The following RNF213 variants were observed in gnomAD, a reference collection of about 807,000 sequenced individuals.
The protein encoded by RNF213 is E3 ubiquitin-protein ligase RNF213.
Under a neutral mutation model 514.4 loss-of-function variants are expected in RNF213, and 341 were observed. That is an observed-to-expected ratio of 0.66 (90% CI 0.61 to 0.73). The LOEUF (loss-of-function observed/expected upper bound fraction) is 0.73. Ranked by LOEUF, RNF213 falls within the 30% of genes least tolerant of loss-of-function variation. The pLI is 0.00. For synonymous variants in RNF213, 2,655 were observed against 2,658.2 expected (o/e 1.00, Z 0.04); for missense variants, 5,767 against 6,615.6 (o/e 0.87, Z 4.45).
intron 41 of RNF213, among the ~76,000 whole-genome samples, chr17:80,364,145 A>G (rs532646235): frequency 6.6e-6 from 1 of 152,126 alleles, no homozygotes; most frequent in African/African-American, 2.4e-5. Context: ...CCACTTCCCT[A>G]AAGGTGAGGT....
In RNF213 at chr17:80,387,162, C is replaced by T. The variant is rs533791889; in HGVS notation, c.14922+271C>T. On this transcript the variant is annotated intron_variant, in intron 63 of 67. Coordinates refer to ENST00000582970, the MANE Select transcript of RNF213 (RefSeq NM_001256071.3). ...TTGAAACAGGGTCTCACTCTGTCAC[C>T]GAGGCTGCAGGGCAGTGGTGCCAAG... Among the ~76,000 whole-genome samples the T allele has an allele frequency of 1.4e-4, 21 of 152,346 alleles. No individual in the cohort carries two copies. In the South Asian group the frequency reaches 3.3e-3, roughly 24 times the overall value.
intron 2 of RNF213, among the ~76,000 whole-genome samples, chr17:80,271,377 C>T (rs1054415926): frequency 6.6e-6 from 1 of 152,212 alleles, no homozygotes; most frequent in Non-Finnish European, 1.5e-5. Context: ...AAAAGGTCTG[C>T]GTGGTCCCTG....
chr17:80,269,672 C>G (rs965476920), intron 2 of RNF213, among the ~76,000 whole-genome samples: 3 of 152,164 alleles, frequency 2.0e-5, no homozygotes, highest in African/African-American at 7.2e-5. Flanking sequence ...ATCCATCCAT[C>G]CATTCATCTG....
intron 46 of RNF213, among the ~76,000 whole-genome samples, chr17:80,370,141 CAA>C (rs1418967447): frequency 1.3e-5 from 2 of 152,232 alleles, no homozygotes; most frequent in African/African-American, 4.8e-5. Context: ...ACATGGAACT[CAA>C]GAGGCCAGAA....
At chr17:80,352,078 C>T in intron 32 of RNF213, 1 of 319,256 alleles carries the variant, frequency 3.1e-6, no homozygotes, top group South Asian at 3.1e-5. Flanking sequence ...TGGTCTCAAT[C>T]CGTTGACCTC....
chr17:80,315,830 T>TGGTGGTGGTGGTGGAGGTGGTGGTGGA (rs1568060046), intron 15 of RNF213: 2 of 31,094 alleles, frequency 6.4e-5, no homozygotes, highest in African/African-American at 1.1e-4. Flanking sequence ...GTGGTGGTGA[T>TGGTGGTGGTGGTGGAGGTGGTGGTGGA]GGTGATGGTG....
At chr17:80,265,445 C>T (rs1050234498) in intron 2 of RNF213, among the ~76,000 whole-genome samples, 1 of 152,220 alleles carries the variant, frequency 6.6e-6, no homozygotes, top group Non-Finnish European at 1.5e-5. Context: ...CTTGAGACTC[C>T]TAATTCACCA....
chr17:80,364,405 G>A lies in RNF213; in HGVS notation c.11751-28G>A, dbSNP rs902835790. Reference sequence around the variant, plus strand: ...GGGTTCCTTGGTGGGAGCCGAGTGAGTGAGTGAGTGGCGCCCTCTTTTGAC... The same window carrying A: ...GGGTTCCTTGGTGGGAGCCGAGTGAATGAGTGAGTGGCGCCCTCTTTTGAC... On this transcript the variant is annotated intron_variant, in intron 41 of 67. Coordinates refer to ENST00000582970, the MANE Select transcript of RNF213 (RefSeq NM_001256071.3). 11 of 1,613,660 alleles carry A rather than the reference G, an allele frequency of 6.8e-6. No homozygotes were observed. In the African/African-American group the frequency reaches 1.5e-4, roughly 22 times the overall value.
intron 3 of RNF213, among the ~76,000 whole-genome samples, chr17:80,279,567 C>T (rs1408708767): frequency 9.9e-5 from 15 of 151,926 alleles, no homozygotes; most frequent in Non-Finnish European, 2.1e-4. Flanking sequence ...AGGGTTCAAG[C>T]GATTCTCCTG....
intron 2 of RNF213, among the ~76,000 whole-genome samples, chr17:80,265,795 T>C (rs2043593497): frequency 6.6e-6 from 1 of 152,166 alleles, no homozygotes; most frequent in Non-Finnish European, 1.5e-5. Context: ...TTAAGCCGGA[T>C]GCCGTGGTTC....
In RNF213 at chr17:80,383,802, A is replaced by G; in HGVS notation, c.14196A>G (p.Lys4732=). ...CCTTCCTGCCCCACCTGCCCCGGAAAAGTGTGGTCCATTGCTCTAAGATTT... is the reference window on the plus strand; with the variant it reads ...CCTTCCTGCCCCACCTGCCCCGGAAGAGTGTGGTCCATTGCTCTAAGATTT... ...PVTFLPHLPR[K]SVVHCSKIWS... is the part of the protein sequence containing the mutation. Residue 4732 remains lysine (K), a synonymous_variant, in exon 59 of 68, where the codon AAA becomes AAG. Coordinates refer to ENST00000582970, the MANE Select transcript of RNF213 (RefSeq NM_001256071.3). The G allele has an allele frequency of 1.2e-6, 2 of 1,614,194 alleles. No individual in the cohort carries two copies. Among genetic ancestry groups the G allele is most frequent in the African/African-American group, 1.3e-5 (1 of 75,046 alleles).
chr17:80,315,788 T>G (rs976128163), intron 15 of RNF213: 1 of 21,818 alleles, frequency 4.6e-5, no homozygotes, highest in Non-Finnish European at 1.1e-4. Flanking sequence ...GTGGTGGTGG[T>G]GGTGGTGGTG....
chr17:80,300,600 C>T (rs960322698), intron 11 of RNF213, among the ~76,000 whole-genome samples: 1 of 151,824 alleles, frequency 6.6e-6, no homozygotes, highest in Non-Finnish European at 1.5e-5. Flanking sequence ...ATCACCCAGG[C>T]TGGATTGCAG....
chr17:80,270,742 G>A (rs949719996), intron 2 of RNF213, among the ~76,000 whole-genome samples: 4 of 152,182 alleles, frequency 2.6e-5, no homozygotes, highest in African/African-American at 4.8e-5. Context: ...ACTGGGAACA[G>A]CCTGAAACCC....
chr17:80,389,943 T>C, intron 66 of RNF213, 26 bp downstream of exon 66: 2 of 1,612,262 alleles, frequency 1.2e-6, no homozygotes, highest in South Asian at 1.1e-5. Flanking sequence ...TCCTCTCTGC[T>C]GGACAGAGGG....
In RNF213 at chr17:80,288,129, C is replaced by G. The variant is rs112089914; in HGVS notation, c.576C>G (p.Ser192Arg). ...AGVATGSEAQ[S>R]SPQFQDHTEG... The stretch of plus-strand genomic sequence containing the variant: ...TGGCCACAGGAAGTGAGGCTCAGAG[C>G]AGCCCGCAATTCCAGGACCACACGG... The change falls in exon 4 of 68, where the codon AGC (serine) becomes AGG (arginine). Residue 192 changes from serine (S) to arginine (R), a missense_variant. By Grantham distance (110) the Ser-to-Arg change is moderately radical (BLOSUM62 -1). Coordinates refer to ENST00000582970, the MANE Select transcript of RNF213 (RefSeq NM_001256071.3). This position sits in a 1 kb window ranked among gnomAD's most constrained non-coding sequence, Gnocchi z 4.9. 1.9e-6 allele frequency: 3 copies of G among 1,609,458 alleles called. No homozygotes were observed. The African/African-American group carries it at 4.0e-5, about 21-fold the overall frequency.
intron 55 of RNF213, 35 bp from the exon 56 acceptor site, chr17:80,380,790 CCAGCCT>C (rs774284591): frequency 1.9e-6 from 3 of 1,613,634 alleles, no homozygotes; most frequent in African/African-American, 1.3e-5. Flanking sequence ...GCCAAAGCGG[CCAGCCT>C]CAGCCTCTGT....
Position 80,389,223 on chromosome 17 carries a change from C to T in RNF213, c.15051C>T (p.Ser5017=). 6.2e-7 allele frequency: 1 copy of T among 1,614,194 alleles called. No homozygotes were observed. Among genetic ancestry groups the T allele is most frequent in the Non-Finnish European group, 8.5e-7 (1 of 1,180,008 alleles). Residue 5017 remains serine, a synonymous_variant, in exon 65 of 68, where the codon TCC becomes TCT. Coordinates refer to ENST00000582970, the MANE Select transcript of RNF213 (RefSeq NM_001256071.3). ...VISAISGQLQ[S]YSDACEVLSV... ...GTGCCATCAGTGGACAGCTGCAGTC[C>T]TACAGCGATGCCTGTGAAGTGCTGT...
At chr17:80,351,610 T>C in intron 31 of RNF213, 75 bp from the exon 32 acceptor site, 1 of 841,202 alleles carries the variant, frequency 1.2e-6, no homozygotes, top group South Asian at 1.4e-5. Flanking sequence ...TGCACAGCTT[T>C]GCTTTGTTTA....
Sources: allele counts gnomAD v4.1 joint callset (sites outside exome capture counted in the v4.1 genomes callset), GRCh38; gene constraint gnomAD v4.1.1; non-coding constraint Gnocchi (gnomAD v3.1); transcripts MANE v1.5; gene names NCBI Gene and HGNC (gene_info 2026-07-23, HGNC 2026-07-21).